The following CCSER1 variants were observed in gnomAD, a reference collection of about 807,000 sequenced individuals.
CCSER1 encodes serine-rich coiled-coil domain-containing protein 1.
CCSER1 carries 41 observed loss-of-function variants against 82.0 expected under a neutral mutation model. That is an observed-to-expected ratio of 0.50 (90% CI 0.39 to 0.65). The LOEUF (loss-of-function observed/expected upper bound fraction) is 0.65, where lower values mean the gene tolerates loss of function less well. Ranked by LOEUF, CCSER1 falls within the 30% of genes least tolerant of loss-of-function variation. The probability of loss-of-function intolerance (pLI) is 0.00; values close to 1 mark genes in which losing one functional copy is unlikely to be tolerated. For synonymous variants in CCSER1, 414 were observed against 383.9 expected (o/e 1.08, Z -0.92); for missense variants, 1,119 against 1,064.2 (o/e 1.05, Z -0.72).
intron 1 of CCSER1, among the ~76,000 whole-genome samples, chr4:90,296,147 C>G (rs531955386): frequency 1.3e-5 from 2 of 152,192 alleles, no homozygotes; most frequent in Admixed American, 6.6e-5. Flanking sequence ...TGTTCAGACT[C>G]TGAGACAGTC....
chr4:90,760,836 T>C (rs1750311827), intron 7 of CCSER1, among the ~76,000 whole-genome samples: 1 of 152,082 alleles, frequency 6.6e-6, no homozygotes, highest in Non-Finnish European at 1.5e-5. Flanking sequence ...AGTCTCTGTA[T>C]GCATGAAGCT....
chr4:90,501,714 A>T (rs1212515920), intron 5 of CCSER1, among the ~76,000 whole-genome samples: 1 of 152,150 alleles, frequency 6.6e-6, no homozygotes, highest in African/African-American at 2.4e-5. Flanking sequence ...AAACATTGGA[A>T]ATTTATTTTT....
chr4:90,812,219 C>G (rs1241623973), intron 7 of CCSER1, among the ~76,000 whole-genome samples: 2 of 152,208 alleles, frequency 1.3e-5, no homozygotes, highest in East Asian at 3.9e-4. Flanking sequence ...ATATTCTAGC[C>G]ATTCTGGCAG....
At chr4:90,248,553 A>T (rs143516434) in intron 1 of CCSER1, among the ~76,000 whole-genome samples, 2 of 152,102 alleles carry the variant, frequency 1.3e-5, no homozygotes, top group Non-Finnish European at 1.5e-5. Flanking sequence ...TCCTTAGGTA[A>T]ATGTTGGGTA....
intron 10 of CCSER1, among the ~76,000 whole-genome samples, chr4:91,303,448 T>C (rs1335089417): frequency 1.3e-5 from 2 of 152,008 alleles, no homozygotes; most frequent in African/African-American, 4.8e-5. Context: ...TTATGAACTT[T>C]AGTTACTAGT....
intron 3 of CCSER1, among the ~76,000 whole-genome samples, chr4:90,371,231 T>A (rs960722652): frequency 2.6e-5 from 4 of 152,172 alleles, no homozygotes; most frequent in Non-Finnish European, 5.9e-5. Flanking sequence ...TTCAAGAAAT[T>A]CAGTATCCTT....
intron 10 of CCSER1, among the ~76,000 whole-genome samples, chr4:91,418,304 A>T (rs913262039): frequency 9.6e-3 from 5 of 522 alleles, no homozygotes; most frequent in Non-Finnish European, 0.023. Flanking sequence ...TTTTTTAATT[A>T]AAAAAAAAAA....
intron 10 of CCSER1, among the ~76,000 whole-genome samples, chr4:91,399,373 G>T (rs542664963): frequency 1.3e-5 from 2 of 151,872 alleles, no homozygotes; most frequent in Admixed American, 6.6e-5. Flanking sequence ...ATGTGCCAAG[G>T]TGTCCTAATG....
intron 4 of CCSER1, among the ~76,000 whole-genome samples, chr4:90,432,495 A>T (rs1194036060): frequency 6.6e-6 from 1 of 152,078 alleles, no homozygotes; most frequent in African/African-American, 2.4e-5. Flanking sequence ...GAATCATAAA[A>T]TATTTCTTCT....
intron 10 of CCSER1, among the ~76,000 whole-genome samples, chr4:91,150,463 C>T (rs751943690): frequency 1.2e-4 from 18 of 152,096 alleles, no homozygotes; most frequent in South Asian, 8.3e-4. Flanking sequence ...TAATTGAATA[C>T]GCTTTATTTC....
chr4:90,310,594 C>A (rs1735120208), intron 2 of CCSER1, among the ~76,000 whole-genome samples: 1 of 151,982 alleles, frequency 6.6e-6, no homozygotes, highest in Non-Finnish European at 1.5e-5. Flanking sequence ...ACTAATAATT[C>A]ATTTATTGGG....
chr4:90,944,164 G>A (rs941890829), intron 9 of CCSER1, among the ~76,000 whole-genome samples: 1 of 150,798 alleles, frequency 6.6e-6, no homozygotes, highest in African/African-American at 2.4e-5. Flanking sequence ...CCCCGGAAGC[G>A]GAGGTTGCAG....
At chr4:91,585,143 T>G (rs979444629) in intron 10 of CCSER1, among the ~76,000 whole-genome samples, 3 of 151,558 alleles carry the variant, frequency 2.0e-5, no homozygotes, top group African/African-American at 7.2e-5. Context: ...TTTATTTCTA[T>G]GTAAACATCC....
chr4:90,884,056 C>G (rs368856449), intron 8 of CCSER1, among the ~76,000 whole-genome samples: 1 of 152,036 alleles, frequency 6.6e-6, no homozygotes, highest in Non-Finnish European at 1.5e-5. Context: ...AGGAGGCTGA[C>G]TGATGAGTTA....
intron 10 of CCSER1, among the ~76,000 whole-genome samples, chr4:91,289,119 G>A (rs950830870): frequency 6.6e-6 from 1 of 151,910 alleles, no homozygotes; most frequent in Non-Finnish European, 1.5e-5. Context: ...TAAATGCAAG[G>A]TACTGTTAGA....
intron 1 of CCSER1, among the ~76,000 whole-genome samples, chr4:90,158,993 C>A (rs1022693666): frequency 6.6e-6 from 1 of 152,072 alleles, no homozygotes; most frequent in Non-Finnish European, 1.5e-5. Context: ...AGCTGTAGAC[C>A]GGCGCTGTTC....
chr4:90,343,688 C>T (rs1334953826), intron 3 of CCSER1, among the ~76,000 whole-genome samples: 1 of 152,130 alleles, frequency 6.6e-6, no homozygotes, highest in African/African-American at 2.4e-5. Flanking sequence ...TATTCTCACA[C>T]CAGACTTTTT....
intron 1 of CCSER1, among the ~76,000 whole-genome samples, chr4:90,304,361 C>G (rs1384625404): frequency 6.6e-6 from 1 of 152,070 alleles, no homozygotes; most frequent in African/African-American, 2.4e-5. Context: ...ATGTTTATTG[C>G]GGCATTATTC....
At chr4:90,427,374 C>G (rs1757668947) in intron 4 of CCSER1, among the ~76,000 whole-genome samples, 1 of 151,660 alleles carries the variant, frequency 6.6e-6, no homozygotes, top group African/African-American at 2.4e-5. Context: ...TAAGTACCAT[C>G]TAACTGGCAA....
Sources: gnomAD v4.1 joint callset for allele counts (sites outside exome capture counted in the v4.1 genomes callset) on GRCh38, gnomAD v4.1.1 for gene constraint, MANE v1.5 for transcripts, NCBI Gene and HGNC (gene_info 2026-07-23, HGNC 2026-07-21) for gene names.